Variants in CCDC171 observed in about 807,000 individuals in gnomAD.
The protein encoded by CCDC171 is coiled-coil domain-containing protein 171.
CCDC171 carries 177 observed loss-of-function variants against 168.2 expected under a neutral mutation model. The observed-to-expected ratio is 1.05, with a 90% CI of 0.93 to 1.19. The LOEUF is 1.19. Among genes scored for constraint, CCDC171 ranks in the 50% most tolerant of loss-of-function variants. The pLI, the probability that CCDC171 is intolerant of heterozygous loss-of-function variation, is 0.00. For synonymous variants in CCDC171, 687 were observed against 540.8 expected (o/e 1.27, Z -3.75); for missense variants, 1,991 against 1,539.0 (o/e 1.29, Z -4.91).
the CCDC171 span, among the ~76,000 whole-genome samples, chr9:16,092,941 A>T: frequency 2.0e-5 from 3 of 152,184 alleles, no homozygotes; most frequent in African/African-American, 7.2e-5. Flanking sequence ...GCTCTGCAAC[A>T]TGGGTGGTCC....
At chr9:16,046,908 G>A (rs886594703) in intron 1 of CCDC171, among the ~76,000 whole-genome samples, 25 of 152,192 alleles carry the variant, frequency 1.6e-4, no homozygotes, top group African/African-American at 4.8e-4. Flanking sequence ...CTCCCTTCTG[G>A]AAATAACCTT....
At chr9:15,883,628 T>G (rs1386110169) in intron 24 of CCDC171, among the ~76,000 whole-genome samples, 3 of 152,178 alleles carry the variant, frequency 2.0e-5, no homozygotes, top group Admixed American at 2.0e-4. Context: ...AAGATGACAT[T>G]TAAGGGCAAG....
At chr9:15,968,775 G>A (rs1011149518) in intron 25 of CCDC171, among the ~76,000 whole-genome samples, 3 of 152,186 alleles carry the variant, frequency 2.0e-5, no homozygotes, top group Admixed American at 6.5e-5. Flanking sequence ...CTGACCTCAG[G>A]TGATCCACCC....
At chr9:15,600,073 C>CTCCTTT (rs1371492999) in intron 6 of CCDC171, among the ~76,000 whole-genome samples, 4 of 152,112 alleles carry the variant, frequency 2.6e-5, no homozygotes, top group African/African-American at 9.7e-5. Flanking sequence ...TCTTCTTTGC[C>CTCCTTT]ATGGGTTCGA....
chr9:15,977,515 A>C (rs779367631), downstream of CCDC171, among the ~76,000 whole-genome samples: 2 of 152,206 alleles, frequency 1.3e-5, no homozygotes, highest in Non-Finnish European at 2.9e-5. Context: ...TAAAGCGCTG[A>C]CCTTAATGTT....
chr9:15,623,473 GCGCACACACACA>G (rs1266760317), intron 7 of CCDC171, 60 bp downstream of exon 7: 8 of 464,736 alleles, frequency 1.7e-5, no homozygotes, highest in African/African-American at 3.6e-5. Flanking sequence ...ATGCGCGCGC[GCGCACACACACA>G]CACACACACA....
At chr9:15,618,646 T>C (rs1176097403) in intron 6 of CCDC171, among the ~76,000 whole-genome samples, 1 of 152,118 alleles carries the variant, frequency 6.6e-6, no homozygotes, top group Non-Finnish European at 1.5e-5. Flanking sequence ...CCTGGTGGCA[T>C]AGGGTCACGA....
In CCDC171 at chr9:15,575,975, C is replaced by G. The variant is rs549798772; in HGVS notation, c.178-2874C>G. Among the ~76,000 whole-genome samples the G allele has an allele frequency of 7.2e-5, 11 of 151,988 alleles. No homozygotes were observed. The South Asian group carries it at 1.9e-3, about 26-fold the overall frequency. ...GGCGTGGTGGTGCGCACCTATAATC[C>G]CAGCTACTTGGGTGGCTGAGGTGGG... On this transcript the variant is annotated intron_variant, in intron 3 of 25. Coordinates refer to ENST00000380701, the MANE Select transcript of CCDC171 (RefSeq NM_173550.4).
intron 25 of CCDC171, among the ~76,000 whole-genome samples, chr9:15,937,664 A>T (rs1047728585): frequency 1.1e-4 from 16 of 152,032 alleles, no homozygotes; most frequent in Non-Finnish European, 2.2e-4. Context: ...CATAATTCTC[A>T]TTATAATTTT....
chr9:15,738,607 T>A (rs2054641558), intron 16 of CCDC171, among the ~76,000 whole-genome samples: 1 of 152,106 alleles, frequency 6.6e-6, no homozygotes, highest in South Asian at 2.1e-4. Context: ...TCTCCTTGGG[T>A]GGAAAACATT....
intron 3 of CCDC171, among the ~76,000 whole-genome samples, chr9:16,001,837 CTT>C (rs35583305): frequency 0.032 from 4,074 of 127,936 alleles, 152 homozygotes; most frequent in African/African-American, 0.1. Flanking sequence ...GATTTATTAT[CTT>C]TTTTTTTTTT....
chr9:15,744,691 C>T lies in CCDC171; in HGVS notation c.2468C>T (p.Ser823Phe). ...RLKILGQSCA[S>F]LFTWMESFKE... is the part of the protein sequence containing the mutation. ...AAGATTTTGGGCCAATCATGTGCCT[C>T]TCTTTTTACCTGGATGGAGAGTTTC... Residue 823 changes from serine to phenylalanine, a missense_variant, in exon 17 of 26, where the codon TCT (serine) becomes TTT (phenylalanine). Physicochemically the swap from Ser to Phe is radical, Grantham distance 155. Coordinates refer to ENST00000380701, the MANE Select transcript of CCDC171 (RefSeq NM_173550.4). 6.2e-7 allele frequency: 1 copy of T among 1,614,134 alleles called. No homozygotes were observed. Among genetic ancestry groups the T allele is most frequent in the Non-Finnish European group, 8.5e-7 (1 of 1,180,018 alleles).
In CCDC171 at chr9:15,721,851, C is replaced by T; in HGVS notation, c.1401C>T (p.Asn467=). The part of the protein sequence containing the change: ...RLRRTLTDYQ[N]KLEDASNEEK... ...GGCGTACCTTGACAGATTACCAGAA[C>T]AAGCTGGAAGATGCATCTAATGAGG... Residue 467 remains asparagine, a synonymous_variant, in exon 12 of 26, where the codon AAC becomes AAT. Transcript: ENST00000380701. 1 of 1,553,340 alleles carries T rather than the reference C, an allele frequency of 6.4e-7. No individual in the cohort carries two copies. Among genetic ancestry groups the T allele is most frequent in the South Asian group, 1.2e-5 (1 of 82,078 alleles).
chr9:15,690,658 C>A (rs558996571), intron 10 of CCDC171, among the ~76,000 whole-genome samples: 2 of 152,072 alleles, frequency 1.3e-5, no homozygotes, highest in Non-Finnish European at 2.9e-5. Context: ...GATTTGCACA[C>A]TTGATCACTT....
chr9:15,841,122 T>C (rs537725051), intron 21 of CCDC171, among the ~76,000 whole-genome samples: 105 of 152,236 alleles, frequency 6.9e-4, no homozygotes, highest in African/African-American at 2.1e-3. Flanking sequence ...TGAATTTCCA[T>C]TGCTCATTTG....
At chr9:15,566,304 T>C (rs2132606275) in intron 2 of CCDC171, among the ~76,000 whole-genome samples, 1 of 152,202 alleles carries the variant, frequency 6.6e-6, no homozygotes, top group East Asian at 1.9e-4. Context: ...ATGCCTGTAA[T>C]CCCAGCACTT....
chr9:15,796,285 A>G (rs1380918012), intron 21 of CCDC171, among the ~76,000 whole-genome samples: 2 of 152,202 alleles, frequency 1.3e-5, no homozygotes, highest in African/African-American at 4.8e-5. Flanking sequence ...ATAACACATA[A>G]TGCTCTCCAG....
In CCDC171 at chr9:15,705,112, A is replaced by ACACACACACACG. The variant is rs1249365808; in HGVS notation, c.1318+9784_1318+9785insACGCACACACAC. Among the ~76,000 whole-genome samples, 5 of 151,792 alleles carry ACACACACACACG rather than the reference A, an allele frequency of 3.3e-5. No homozygotes were observed. The East Asian group carries it at 9.7e-4, about 29-fold the overall frequency. Reference sequence around the variant, plus strand: ...TTACGACACACACACACACACACACACACACACACTCTCACTCACTCAGAT... The same window carrying ACACACACACACG: ...TTACGACACACACACACACACACACACACACACACACGCACACACACTCTCACTCACTCAGAT... On this transcript the variant is annotated intron_variant, in intron 11 of 25. Coordinates refer to ENST00000380701, the MANE Select transcript of CCDC171 (RefSeq NM_173550.4).
intron 11 of CCDC171, among the ~76,000 whole-genome samples, chr9:15,716,017 G>A (rs1163275270): frequency 2.0e-5 from 3 of 152,154 alleles, no homozygotes; most frequent in Admixed American, 6.5e-5. Flanking sequence ...ACAGGGTATG[G>A]TGAGTGAAAG....
Sources: gnomAD v4.1 joint callset for allele counts (sites outside exome capture counted in the v4.1 genomes callset) on GRCh38, gnomAD v4.1.1 for gene constraint, MANE v1.5 for transcripts, NCBI Gene and HGNC (gene_info 2026-07-23, HGNC 2026-07-21) for gene names.